RTN4: variants seen among roughly 807,000 people sequenced by gnomAD.
The protein encoded by RTN4 is reticulon-4.
In RTN4, 32 loss-of-function variants were observed where a neutral mutation model predicts 90.4. The ratio of observed to expected loss-of-function variants is 0.35; its 90% CI spans 0.27 to 0.48. RTN4 has a LOEUF of 0.48. Ranked by LOEUF, RTN4 falls within the 20% of genes least tolerant of loss-of-function variation. The pLI is 0.99. For synonymous variants in RTN4, 629 were observed against 552.5 expected (o/e 1.14, Z -1.94); for missense variants, 1,706 against 1,430.2 (o/e 1.19, Z -3.11).
At chr2:55,076,389 CTTTTTTTTT>C (rs58070912) in intron 2 of RTN4, among the ~76,000 whole-genome samples, 1 of 64,630 alleles carries the variant, frequency 1.5e-5, no homozygotes, top group Non-Finnish European at 2.6e-5. Flanking sequence ...TTCTTTTGTT[CTTTTTTTTT>C]TTTTTTTTTT....
chr2:55,122,569 C>T, the RTN4 span, among the ~76,000 whole-genome samples: 2 of 152,170 alleles, frequency 1.3e-5, no homozygotes, highest in Non-Finnish European at 2.9e-5. Flanking sequence ...GACGATGGAG[C>T]AGGCATGTGA....
intron 2 of RTN4, among the ~76,000 whole-genome samples, chr2:55,072,236 CTT>C (rs34894930): frequency 1.2e-4 from 17 of 145,500 alleles, no homozygotes; most frequent in South Asian, 4.3e-4. Flanking sequence ...CTTTTCTTTT[CTT>C]TTTTTTTTTG....
chr2:55,017,584 T>C (rs1209941071), intron 3 of RTN4, among the ~76,000 whole-genome samples: 2 of 152,208 alleles, frequency 1.3e-5, no homozygotes, highest in African/African-American at 4.8e-5. Flanking sequence ...AAATATTCTC[T>C]GTGCATTAGT....
intron 2 of RTN4, among the ~76,000 whole-genome samples, chr2:55,072,064 C>T (rs1668522932): frequency 6.6e-6 from 1 of 152,054 alleles, no homozygotes; most frequent in Admixed American, 6.5e-5. Context: ...CACCACTATC[C>T]CAAATCATTA....
At chr2:55,017,624 T>TA (rs1681138640) in intron 3 of RTN4, among the ~76,000 whole-genome samples, 1 of 152,192 alleles carries the variant, frequency 6.6e-6, no homozygotes, top group Non-Finnish European at 1.5e-5. Context: ...TATATTAAGT[T>TA]ATCATTAAGT....
At position 55,026,064 on chromosome 2, in the gene RTN4, C is replaced by G; in HGVS notation, c.2035G>C (p.Glu679Gln). 6.2e-7 allele frequency: 1 copy of G among 1,610,496 alleles called. No individual in the cohort carries two copies. The change falls in exon 3 of 9, where the codon GAG (glutamate) becomes CAG (glutamine). Residue 679 changes from glutamate to glutamine, a missense_variant. By Grantham distance (29) the Glu-to-Gln change is conservative. Transcript: ENST00000337526. ...AGAGCTGCATTAATATTTTCAGGCTCTTTAATTTCTTCCTTTATTCCTGAT... is the reference window on the plus strand; with the variant it reads ...AGAGCTGCATTAATATTTTCAGGCTGTTTAATTTCTTCCTTTATTCCTGAT... ...KVSGIKEEIK[E>Q]PENINAALQE...
the RTN4 span, among the ~76,000 whole-genome samples, chr2:55,118,290 C>T: frequency 6.6e-6 from 1 of 152,046 alleles, no homozygotes; most frequent in African/African-American, 2.4e-5. Context: ...CATACTGGGA[C>T]CTTGCCTCTA....
Position 55,026,793 on chromosome 2 carries a change from T to C in RTN4, c.1306A>G (p.Lys436Glu). The C allele has an allele frequency of 6.2e-7, 1 of 1,613,960 alleles. No homozygotes were observed. The highest frequency in any genetic ancestry group is 8.5e-7 in the Non-Finnish European group (1 of 1,179,870). Reference sequence around the variant, plus strand: ...TCATCATTACTACTCTCACTATCTTTTTCGTGATTAGTTTGCTCAAGGCTA... The same window carrying C: ...TCATCATTACTACTCTCACTATCTTCTTCGTGATTAGTTTGCTCAAGGCTA... ...ADSLEQTNHE[K>E]DSESSNDDTS... The change falls in exon 3 of 9, where the codon AAA (lysine) becomes GAA (glutamate). Residue 436 changes from lysine (K) to glutamate (E), a missense_variant. Lys to Glu is a moderately conservative substitution (Grantham distance 56). Transcript: ENST00000337526.
chr2:55,009,429 AT>A (rs1680470890), intron 3 of RTN4, among the ~76,000 whole-genome samples: 1 of 152,172 alleles, frequency 6.6e-6, no homozygotes, highest in Non-Finnish European at 1.5e-5. Flanking sequence ...ATCCACTGAG[AT>A]TTGAAAGGAT....
intron 3 of RTN4, among the ~76,000 whole-genome samples, chr2:54,991,148 C>A (rs1678984849): frequency 6.6e-6 from 1 of 152,152 alleles, no homozygotes; most frequent in Admixed American, 6.5e-5. Flanking sequence ...TGCTCAGAAA[C>A]ATTAATTAAC....
At chr2:55,100,802 T>TA (rs1235917536) in intron 1 of RTN4, among the ~76,000 whole-genome samples, 1 of 152,130 alleles carries the variant, frequency 6.6e-6, no homozygotes. Flanking sequence ...GCACTAGGGT[T>TA]CATTTGTGCT....
chr2:55,099,067 C>A (rs1667804417), intron 1 of RTN4, among the ~76,000 whole-genome samples: 1 of 152,094 alleles, frequency 6.6e-6, no homozygotes, highest in Non-Finnish European at 1.5e-5. Flanking sequence ...TCTATTAGTT[C>A]TTTAGAGGCC....
intron 2 of RTN4, chr2:55,056,335 G>A (rs1403968523): frequency 2.0e-5 from 3 of 152,048 alleles, no homozygotes; most frequent in Non-Finnish European, 4.4e-5. Context: ...GCTGCATTCA[G>A]GTAACCCTTA....
chr2:54,973,993 A>G (rs1677382679), intron 6 of RTN4, 126 bp from the exon 7 acceptor site: 7 of 777,562 alleles, frequency 9.0e-6, no homozygotes, highest in East Asian at 8.0e-5. Context: ...GAATAAAAAC[A>G]TAAGGATCTC....
At chr2:55,124,962 G>A in the RTN4 span, among the ~76,000 whole-genome samples, 1,867 of 152,222 alleles carry the variant, frequency 0.012, 30 homozygotes, top group Middle Eastern at 0.061. Context: ...AAGCAATGGG[G>A]AAAAGACTCC....
rs766834819 is a variant in RTN4 at position 55,049,736 on chromosome 2, G to A, written c.556+9C>T. 3 of 1,388,334 alleles carry A rather than the reference G, an allele frequency of 2.2e-6. No homozygotes were observed. Among genetic ancestry groups the A allele is most frequent in the South Asian group, 1.6e-5 (1 of 61,492 alleles). The allele number at this position is 1,388,334 out of a possible 1,614,324, so 86.0% of individuals were successfully genotyped here. ...GGGGCGGCGCGAAGCGAGAGGTCGC[G>A]GCACTCACCCACTGAGCCCGAGGAG... On this transcript the variant is annotated intron_variant, in intron 1 of 8. Transcript: ENST00000337526.
intron 2 of RTN4, 35 bp downstream of exon 2, chr2:55,028,129 A>G (rs1223091987): frequency 1.3e-6 from 2 of 1,588,806 alleles, no homozygotes. Flanking sequence ...AAGTTAGAAT[A>G]CAGAGAGGAT....
chr2:55,046,376 C>T (rs769639826), intron 1 of RTN4, among the ~76,000 whole-genome samples: 40 of 152,310 alleles, frequency 2.6e-4, no homozygotes, highest in Non-Finnish European at 4.9e-4. Context: ...CACTCTCCCA[C>T]TAGTTTTTCT....
rs891482415 is a variant in RTN4 at position 55,050,154 on chromosome 2, C to T, written c.147G>A (p.Leu49=). Residue 49 remains leucine (L), a synonymous_variant, in exon 1 of 9, where the codon CTG becomes CTA. Coordinates refer to ENST00000337526, the MANE Select transcript of RTN4 (RefSeq NM_020532.5). This position sits in a 1 kb window ranked among gnomAD's most constrained non-coding sequence, Gnocchi z 4.6. ...EEEEEDEDED[L]EELEVLERKP... is the part of the protein sequence containing the mutation. ...TCCTCTCCAGCACCTCCAGCTCCTC[C>T]AGGTCTTCGTCCTCGTCCTCCTCTT... 7 of 1,561,082 alleles carry T rather than the reference C, an allele frequency of 4.5e-6. No homozygotes were observed. The highest frequency in any genetic ancestry group is 6.0e-6 in the Non-Finnish European group (7 of 1,161,218).
Sources: allele counts gnomAD v4.1 joint callset (sites outside exome capture counted in the v4.1 genomes callset), GRCh38; gene constraint gnomAD v4.1.1; non-coding constraint Gnocchi (gnomAD v3.1); transcripts MANE v1.5; gene names NCBI Gene and HGNC (gene_info 2026-07-23, HGNC 2026-07-21).